The following NAALADL2 variants were observed in gnomAD, a reference collection of about 807,000 sequenced individuals.
NAALADL2 encodes inactive N-acetylated-alpha-linked acidic dipeptidase-like protein 2.
Under a neutral mutation model 87.2 loss-of-function variants are expected in NAALADL2, and 76 were observed. The observed-to-expected ratio is 0.87, with a 90% CI of 0.72 to 1.05. The LOEUF is 1.05. Ranked by LOEUF, NAALADL2 falls within the 50% of genes least tolerant of loss-of-function variation. NAALADL2 has a pLI of 0.00. For missense variants in NAALADL2, 1,089 were observed against 945.8 expected, an observed-to-expected ratio of 1.15 and a Z score of -1.99; for synonymous variants, 354 against 331.0, an observed-to-expected ratio of 1.07 and a Z score of -0.75.
At chr3:174,794,892 A>C (rs1717893624) in intron 3 of NAALADL2, among the ~76,000 whole-genome samples, 1 of 151,404 alleles carries the variant, frequency 6.6e-6, no homozygotes, top group African/African-American at 2.4e-5. Flanking sequence ...CATCACGGAA[A>C]AGTTAAACAA....
chr3:175,382,900 A>C lies in NAALADL2; in HGVS notation c.1090+58575A>C, dbSNP rs564126120. Among the ~76,000 whole-genome samples, 50 of 152,266 alleles carry C rather than the reference A, an allele frequency of 3.3e-4. 2 individuals carry two copies. In the South Asian group the frequency reaches 0.01, roughly 32 times the overall value. On this transcript the variant is annotated intron_variant, in intron 5 of 13. Transcript: ENST00000454872. ...AGCCTTTCAATATTTGTAGCTATCC[A>C]AAGATTTACACACTTGAGTTAAGGA...
intron 5 of NAALADL2, among the ~76,000 whole-genome samples, chr3:175,441,064 T>A (rs1719646928): frequency 6.6e-6 from 1 of 152,166 alleles, no homozygotes; most frequent in African/African-American, 2.4e-5. Flanking sequence ...CTTTTCATTT[T>A]TCTTTTTATG....
intron 2 of NAALADL2, among the ~76,000 whole-genome samples, chr3:174,627,880 A>G (rs1368735971): frequency 6.6e-6 from 1 of 152,214 alleles, no homozygotes; most frequent in Non-Finnish European, 1.5e-5. Context: ...AGTGGGAGCT[A>G]AACAATGGGT....
At chr3:174,453,160 A>G (rs1715598233) in intron 1 of NAALADL2, among the ~76,000 whole-genome samples, 1 of 152,214 alleles carries the variant, frequency 6.6e-6, no homozygotes, top group South Asian at 2.1e-4. Flanking sequence ...TAATAGCATA[A>G]TAGAAAACTG....
At position 175,190,850 on chromosome 3, in the gene NAALADL2, C is replaced by T. The variant is rs565231680; in HGVS notation, c.546-43081C>T. Among the ~76,000 whole-genome samples, 498 of 151,702 alleles carry T rather than the reference C, an allele frequency of 3.3e-3. 3 individuals are homozygous for T. Among genetic ancestry groups the T allele is most frequent in the African/African-American group, 0.011 (468 of 41,414 alleles). On this transcript the variant is annotated intron_variant, in intron 2 of 13. Coordinates refer to ENST00000454872, the MANE Select transcript of NAALADL2 (RefSeq NM_207015.3). The stretch of plus-strand genomic sequence containing the variant: ...AAAATTAGCCGGGCGTGGTGGCGGG[C>T]GCCTGTAGTCCCAGCTACTCGGGAG...
intron 1 of NAALADL2, among the ~76,000 whole-genome samples, chr3:174,912,483 A>T (rs1390906664): frequency 2.0e-5 from 3 of 152,264 alleles, no homozygotes; most frequent in African/African-American, 7.2e-5. Context: ...TAAATGTTTC[A>T]TTGGAATCCT....
intron 4 of NAALADL2, among the ~76,000 whole-genome samples, chr3:175,321,038 G>C (rs1387976238): frequency 6.6e-6 from 1 of 151,370 alleles, no homozygotes; most frequent in African/African-American, 2.4e-5. Context: ...AACCAAAAAA[G>C]AGAATTTTAG....
chr3:174,455,185 G>T (rs1335006040), intron 1 of NAALADL2, among the ~76,000 whole-genome samples: 2 of 151,950 alleles, frequency 1.3e-5, no homozygotes, highest in Non-Finnish European at 2.9e-5. Flanking sequence ...CAGAAAGAAA[G>T]TGAATCCCTG....
At chr3:174,713,621 C>A (rs1730899807) in intron 2 of NAALADL2, among the ~76,000 whole-genome samples, 1 of 152,172 alleles carries the variant, frequency 6.6e-6, no homozygotes, top group Non-Finnish European at 1.5e-5. Context: ...AGTGTCTGTT[C>A]ATATTGTTCA....
In NAALADL2 at chr3:175,676,445, C is replaced by G. The variant is rs1734793276; in HGVS notation, c.1896+49059C>G. 2 of 152,308 alleles carry G rather than the reference C, an allele frequency of 1.3e-5. 1 individual carries two copies. Among genetic ancestry groups the G allele is most frequent in the Admixed American group, 1.3e-4 (2 of 15,290 alleles). 9.4% of individuals were successfully genotyped at this position (152,308 alleles called of 1,614,324 possible). A position where few individuals can be genotyped will look rare whatever the true frequency, so the allele number is the denominator to read the frequency against. On this transcript the variant is annotated intron_variant, in intron 11 of 13. Transcript: ENST00000454872. Reference sequence around the variant, plus strand: ...CCCATCCACTTGGAGCAACTAGCTACTCTTGAGCTTGAATGGCAATGGGTT... The same window carrying G: ...CCCATCCACTTGGAGCAACTAGCTAGTCTTGAGCTTGAATGGCAATGGGTT...
chr3:174,889,508 C>T (rs951026427), intron 1 of NAALADL2, among the ~76,000 whole-genome samples: 1 of 152,030 alleles, frequency 6.6e-6, no homozygotes, highest in African/African-American at 2.4e-5. Context: ...CACTGTCTGC[C>T]CTGTGTGTGC....
rs567514582 is a variant in NAALADL2 at position 175,631,963 on chromosome 3, C to A, written c.1896+4577C>A. On this transcript the variant is annotated intron_variant, in intron 11 of 13. Coordinates refer to ENST00000454872, the MANE Select transcript of NAALADL2 (RefSeq NM_207015.3). ...TTGCAATACCAAAATGGTTACTACACAGGAGAGATCTAAGAGAATAAACAA... is the reference window on the plus strand; with the variant it reads ...TTGCAATACCAAAATGGTTACTACAAAGGAGAGATCTAAGAGAATAAACAA... Among the ~76,000 whole-genome samples the A allele has an allele frequency of 6.1e-4, 93 of 152,074 alleles. 1 individual carries two copies. The highest frequency in any genetic ancestry group is 6.8e-3 in the Middle Eastern group (2 of 292).
At chr3:174,813,081 C>T (rs1035207737) in intron 3 of NAALADL2, among the ~76,000 whole-genome samples, 10 of 151,914 alleles carry the variant, frequency 6.6e-5, no homozygotes, top group Admixed American at 1.3e-4. Context: ...CTTCACTCAC[C>T]GCTCACTCAC....
intron 7 of NAALADL2, among the ~76,000 whole-genome samples, chr3:175,465,778 T>C (rs1347021641): frequency 6.6e-6 from 1 of 152,176 alleles, no homozygotes; most frequent in East Asian, 1.9e-4. Flanking sequence ...AATTAAACCT[T>C]AATAAAATGT....
chr3:174,849,865 A>T (rs1285251509), intron 3 of NAALADL2, among the ~76,000 whole-genome samples: 1 of 151,904 alleles, frequency 6.6e-6, no homozygotes, highest in Admixed American at 6.6e-5. Context: ...TTTCTTAAAA[A>T]TTGTTGTACC....
At chr3:175,571,640 G>A (rs1486892285) in intron 9 of NAALADL2, among the ~76,000 whole-genome samples, 2 of 152,032 alleles carry the variant, frequency 1.3e-5, no homozygotes, top group African/African-American at 4.8e-5. Flanking sequence ...ATTCACATTA[G>A]GATTGAATAT....
At chr3:175,792,557 C>T (rs542835034) in intron 13 of NAALADL2, among the ~76,000 whole-genome samples, 1 of 152,232 alleles carries the variant, frequency 6.6e-6, no homozygotes, top group Non-Finnish European at 1.5e-5. Context: ...CAGATGTCAA[C>T]TAAATGAATT....
chr3:175,756,525 G>A (rs1747282012), intron 13 of NAALADL2, among the ~76,000 whole-genome samples: 1 of 152,126 alleles, frequency 6.6e-6, no homozygotes, highest in African/African-American at 2.4e-5. Context: ...TGTCACAGCA[G>A]CATGGATAGA....
chr3:175,551,638 G>T (rs890755964), intron 9 of NAALADL2, among the ~76,000 whole-genome samples: 1 of 152,266 alleles, frequency 6.6e-6, no homozygotes, highest in East Asian at 1.9e-4. Context: ...GGTGACTCAC[G>T]CCTGTAATCC....
Sources: allele counts gnomAD v4.1 joint callset (sites outside exome capture counted in the v4.1 genomes callset), GRCh38; gene constraint gnomAD v4.1.1; transcripts MANE v1.5; gene names NCBI Gene and HGNC (gene_info 2026-07-23, HGNC 2026-07-21).